The following PALM2AKAP2 variants were observed in gnomAD, a reference collection of about 807,000 sequenced individuals.
PALM2AKAP2 encodes PALM2-AKAP2 fusion protein.
A neutral mutation model predicts 71.5 loss-of-function variants in PALM2AKAP2; 37 were observed. The observed-to-expected ratio is 0.52, with a 90% CI of 0.40 to 0.68. The LOEUF is 0.68. PALM2AKAP2 is among the 30% of genes least tolerant of loss of function. The pLI is 0.00. For synonymous variants in PALM2AKAP2, 468 were observed against 478.8 expected, an observed-to-expected ratio of 0.98 and a Z score of 0.29; for missense variants, 1,224 against 1,191.8, an observed-to-expected ratio of 1.03 and a Z score of -0.40.
chr9:109,992,954 T>TATAGAGAG, intron 6 of PALM2AKAP2, among the ~76,000 whole-genome samples: 1 of 142,676 alleles, frequency 7.0e-6, no homozygotes, highest in East Asian at 2.0e-4. Flanking sequence ...TATATATATA[T>TATAGAGAG]AGAGAGAGAG....
intron 1 of PALM2AKAP2, among the ~76,000 whole-genome samples, chr9:109,801,867 G>A (rs114561378): frequency 0.011 from 1,640 of 152,270 alleles, 33 homozygotes; most frequent in African/African-American, 0.038. Flanking sequence ...AAGAAGTTGG[G>A]CCAGCAAGCA....
chr9:109,842,970 A>G (rs969051235), intron 1 of PALM2AKAP2, among the ~76,000 whole-genome samples: 3 of 152,040 alleles, frequency 2.0e-5, no homozygotes, highest in Non-Finnish European at 4.4e-5. Context: ...GAGAAACCCC[A>G]TCTCTACTAA....
chr9:110,077,091 C>T (rs544121657), intron 1 of PALM2AKAP2, among the ~76,000 whole-genome samples: 1 of 152,288 alleles, frequency 6.6e-6, no homozygotes, highest in African/African-American at 2.4e-5. Context: ...AATCAATGTT[C>T]TCCATAGCTC....
rs992590906 is a variant in PALM2AKAP2 at position 109,933,598 on chromosome 9, G to A, written c.496+1570G>A. Among the ~76,000 whole-genome samples, 18 of 152,312 alleles carry A rather than the reference G, an allele frequency of 1.2e-4. No homozygotes were observed. In the East Asian group the frequency reaches 3.3e-3, roughly 28 times the overall value. ...CACATGAATGTGATTGTAGTGCTGT[G>A]TAAGCAGCAATACACATTATTACCA... is the stretch of plus-strand genomic sequence containing the variant. On this transcript the variant is annotated intron_variant, in intron 6 of 9. Coordinates refer to the PALM2AKAP2 transcript ENST00000302798.
chr9:109,849,304 A>G (rs1324534579), intron 1 of PALM2AKAP2, among the ~76,000 whole-genome samples: 13 of 152,218 alleles, frequency 8.5e-5, no homozygotes, highest in Admixed American at 8.5e-4. Context: ...TGAAGGAGGC[A>G]GACATCTCAA....
intron 7 of PALM2AKAP2, among the ~76,000 whole-genome samples, chr9:110,021,179 T>A (rs1456764087): frequency 2.0e-5 from 3 of 152,132 alleles, no homozygotes; most frequent in African/African-American, 7.2e-5. Context: ...CAATGACACA[T>A]GTCCTTATAA....
At chr9:110,094,322 AAGGCAACTGG>A (rs1834782761) in intron 1 of PALM2AKAP2, among the ~76,000 whole-genome samples, 1 of 152,238 alleles carries the variant, frequency 6.6e-6, no homozygotes, top group African/African-American at 2.4e-5. Context: ...ACCAATGAAC[AAGGCAACTGG>A]AGGCCGTACT....
At chr9:110,038,068 C>T (rs1833444203) in intron 7 of PALM2AKAP2, among the ~76,000 whole-genome samples, 1 of 152,140 alleles carries the variant, frequency 6.6e-6, no homozygotes, top group South Asian at 2.1e-4. Context: ...TGGGCACAGT[C>T]GCTCATGCCT....
At chr9:109,852,075 T>A (rs764220039) in intron 1 of PALM2AKAP2, among the ~76,000 whole-genome samples, 147 of 150,296 alleles carry the variant, frequency 9.8e-4, no homozygotes, top group Middle Eastern at 3.4e-3. Flanking sequence ...GATCAGCTTT[T>A]AAAAAAAAAA....
chr9:109,686,896 C>T (rs1465312005), intron 1 of PALM2AKAP2, among the ~76,000 whole-genome samples: 2 of 149,582 alleles, frequency 1.3e-5, no homozygotes, highest in African/African-American at 4.9e-5. Flanking sequence ...TCTCATTGTT[C>T]AATTCCCACC....
Position 109,691,473 on chromosome 9 carries a change from C to T in PALM2AKAP2, c.5+50607C>T, listed in dbSNP as rs1224859753. Among the ~76,000 whole-genome samples the T allele has an allele frequency of 2.6e-5, 4 of 151,932 alleles. No individual in the cohort carries two copies. In the East Asian group the frequency reaches 7.7e-4, roughly 29 times the overall value. ...TCTAGCATTTCAAATTGTGATCTTC[C>T]TACCTGTATTTGAACAGGTAGGAAA... On this transcript the variant is annotated intron_variant, in intron 1 of 6. Coordinates refer to the PALM2AKAP2 transcript ENST00000374531.
At chr9:110,171,198 C>T (rs1034513494) in exon 4 of PALM2AKAP2, 6 of 152,212 alleles carry the variant, frequency 3.9e-5, no homozygotes, top group South Asian at 4.1e-4. Flanking sequence ...CCACACTATT[C>T]GCGGAATGGC....
upstream of PALM2AKAP2, among the ~76,000 whole-genome samples, chr9:109,778,202 A>G (rs1022364040): frequency 1.3e-5 from 2 of 152,136 alleles, no homozygotes; most frequent in African/African-American, 2.4e-5. Context: ...TCAATTGTTT[A>G]TTCCTGGGGC....
At chr9:110,037,735 T>G (rs1833439213) in intron 7 of PALM2AKAP2, among the ~76,000 whole-genome samples, 1 of 152,212 alleles carries the variant, frequency 6.6e-6, no homozygotes, top group African/African-American at 2.4e-5. Context: ...AAGGATGACC[T>G]GTCTTTAACA....
intron 2 of PALM2AKAP2, among the ~76,000 whole-genome samples, chr9:109,872,955 A>G (rs995124001): frequency 6.6e-6 from 1 of 152,230 alleles, no homozygotes; most frequent in East Asian, 1.9e-4. Context: ...GATTTCTTCT[A>G]TCAGAAGTCT....
At chr9:109,832,833 C>T (rs982473895) in intron 1 of PALM2AKAP2, among the ~76,000 whole-genome samples, 7 of 152,090 alleles carry the variant, frequency 4.6e-5, no homozygotes, top group African/African-American at 1.7e-4. Context: ...ATCTCTGAGC[C>T]CCACCCTCAG....
At chr9:110,131,852 C>T (rs1835741300) in intron 1 of PALM2AKAP2, among the ~76,000 whole-genome samples, 1 of 152,066 alleles carries the variant, frequency 6.6e-6, no homozygotes, top group Non-Finnish European at 1.5e-5. Flanking sequence ...AATTGAGTGT[C>T]ATGAAGAATT....
At chr9:109,794,530 G>C (rs1015020241) in intron 1 of PALM2AKAP2, among the ~76,000 whole-genome samples, 2 of 151,730 alleles carry the variant, frequency 1.3e-5, no homozygotes, top group Admixed American at 1.3e-4. Flanking sequence ...CTGAGTCCAA[G>C]CAGGGAGCCA....
chr9:109,717,856 C>G (rs1016352044), intron 1 of PALM2AKAP2, among the ~76,000 whole-genome samples: 1 of 152,096 alleles, frequency 6.6e-6, no homozygotes, highest in African/African-American at 2.4e-5. Context: ...AATGCAGGTG[C>G]ACTGTGGGCA....
Sources: gnomAD v4.1 joint callset for allele counts (sites outside exome capture counted in the v4.1 genomes callset) on GRCh38, gnomAD v4.1.1 for gene constraint, MANE v1.5 for transcripts, NCBI Gene and HGNC (gene_info 2026-07-23, HGNC 2026-07-21) for gene names.